DAOA: variants seen among roughly 807,000 people sequenced by gnomAD.
DAOA encodes the protein D-amino acid oxidase activator.
Under a neutral mutation model 16.4 loss-of-function variants are expected in DAOA, and 15 were observed. That is an observed-to-expected ratio of 0.91 (90% CI 0.61 to 1.41). The LOEUF (loss-of-function observed/expected upper bound fraction) is 1.41, where lower values mean the gene tolerates loss of function less well. Among genes scored for constraint, DAOA ranks in the 40% most tolerant of loss-of-function variants. The pLI is 0.00. For missense variants in DAOA, 230 were observed against 176.8 expected (o/e 1.30, Z -1.71); for synonymous variants, 75 against 59.1 (o/e 1.27, Z -1.23).
intron 3 of DAOA, among the ~76,000 whole-genome samples, chr13:105,469,292 T>G (rs1377270454): frequency 3.3e-5 from 5 of 152,232 alleles, no homozygotes; most frequent in African/African-American, 7.2e-5. Flanking sequence ...TGGCTGCATT[T>G]TCTCCTCTTC....
At chr13:105,474,491 A>C (rs995077551) in intron 4 of DAOA, among the ~76,000 whole-genome samples, 1 of 152,122 alleles carries the variant, frequency 6.6e-6, no homozygotes, top group Non-Finnish European at 1.5e-5. Context: ...ATTAATCAAT[A>C]AATGACAATG....
chr13:105,490,834 C>T (rs1262285089), intron 5 of DAOA, 78 bp from the exon 6 acceptor site: 1 of 151,862 alleles, frequency 6.6e-6, no homozygotes, highest in African/African-American at 2.4e-5. Flanking sequence ...AAAATACCTA[C>T]TCAGAAGCAA....
chr13:105,490,213 A>T, intron 5 of DAOA, 21 bp downstream of exon 5: 5 of 1,097,930 alleles, frequency 4.6e-6, no homozygotes, highest in Non-Finnish European at 5.7e-6. Flanking sequence ...TTATAAAATT[A>T]TATTTTTATG....
chr13:105,488,294 G>A (rs1307475139), intron 4 of DAOA, among the ~76,000 whole-genome samples: 2 of 151,964 alleles, frequency 1.3e-5, no homozygotes, highest in Non-Finnish European at 2.9e-5. Flanking sequence ...CTTTCCAGAA[G>A]GAAATAACAC....
chr13:105,479,098 C>T (rs752318966), intron 4 of DAOA, among the ~76,000 whole-genome samples: 3 of 152,162 alleles, frequency 2.0e-5, no homozygotes, highest in Non-Finnish European at 4.4e-5. Context: ...ATCTCTTTAT[C>T]TTCGCTATAA....
chr13:105,468,987 C>A (rs1876735229), intron 3 of DAOA, among the ~76,000 whole-genome samples: 1 of 152,122 alleles, frequency 6.6e-6, no homozygotes, highest in South Asian at 2.1e-4. Context: ...TTTCCAAGTG[C>A]ATATTTTTTA....
At chr13:105,477,677 T>C (rs1414814620) in intron 4 of DAOA, among the ~76,000 whole-genome samples, 1 of 152,190 alleles carries the variant, frequency 6.6e-6, no homozygotes. Flanking sequence ...TGAGCCGAGA[T>C]CACAGCACTG....
chr13:105,468,636 G>A (rs12874006), intron 3 of DAOA, among the ~76,000 whole-genome samples: 1 of 152,114 alleles, frequency 6.6e-6, no homozygotes, highest in Non-Finnish European at 1.5e-5. Flanking sequence ...ATCAATGCCT[G>A]GTGGAATAAT....
chr13:105,486,265 T>C (rs1878101039), intron 4 of DAOA, among the ~76,000 whole-genome samples: 1 of 152,148 alleles, frequency 6.6e-6, no homozygotes, highest in Non-Finnish European at 1.5e-5. Context: ...TTTTTTCACT[T>C]CATCAAAGTA....
intron 4 of DAOA, among the ~76,000 whole-genome samples, chr13:105,484,195 C>T (rs530035533): frequency 2.6e-5 from 4 of 151,950 alleles, no homozygotes; most frequent in Non-Finnish European, 4.4e-5. Flanking sequence ...ATGTATAGGT[C>T]TATTTTTTTT....
Position 105,467,193 on chromosome 13 carries a change from A to G in DAOA, c.133+52A>G, listed in dbSNP as rs1291996165. The stretch of plus-strand genomic sequence containing the variant: ...ATTTAAATTCTTCTAGAAGTTAGAT[A>G]AAACTGTGGTAAAGCTACATAATAC... On this transcript the variant is annotated intron_variant, in intron 3 of 5. Transcript: ENST00000375936. 3 of 1,504,200 alleles carry G rather than the reference A, an allele frequency of 2.0e-6. No individual in the cohort carries two copies. The Admixed American group carries it at 5.9e-5, about 30-fold the overall frequency. The allele number at this position is 1,504,200 out of a possible 1,614,324, so 93.2% of individuals were successfully genotyped here. A position where few individuals can be genotyped will look rare whatever the true frequency, so the allele number is the denominator to read the frequency against.
chr13:105,475,651 C>T (rs527495132), intron 4 of DAOA, among the ~76,000 whole-genome samples: 15 of 152,064 alleles, frequency 9.9e-5, no homozygotes, highest in East Asian at 1.9e-4. Context: ...TGATAAATTC[C>T]GCTAAATTAA....
At chr13:105,474,548 T>C (rs1261316548) in intron 4 of DAOA, among the ~76,000 whole-genome samples, 1 of 152,134 alleles carries the variant, frequency 6.6e-6, no homozygotes, top group Non-Finnish European at 1.5e-5. Flanking sequence ...TGCTACAAAT[T>C]CGTAATCAAT....
chr13:105,470,114 G>A, intron 3 of DAOA, among the ~76,000 whole-genome samples: 1 of 115,242 alleles, frequency 8.7e-6, no homozygotes, highest in Admixed American at 8.8e-5. Flanking sequence ...TTGCTCATTG[G>A]AATTTTTTTT....
rs1877051128 is a variant in DAOA, at chr13:105,472,672, C to T, written c.268C>T (p.Gln90Ter). The T allele has an allele frequency of 4.3e-6, 7 of 1,612,930 alleles. No homozygotes were observed. Among genetic ancestry groups the T allele is most frequent in the Non-Finnish European group, 5.9e-6 (7 of 1,179,480 alleles). Residue 90 changes from glutamine (Q) to a stop codon, truncating the protein, a stop_gained, in exon 4 of 6, where the codon CAG (glutamine) becomes TAG (stop). Coordinates refer to ENST00000375936, the MANE Select transcript of DAOA (RefSeq NM_172370.5). LOFTEE classifies it high-confidence loss of function. ...ATGTCCTTGGGTCTCTTACCTTCCT[C>T]AGCCCTATGCAGAGTATGTATCTTC... ...SLCPWVSYLP[Q>*]PYAELEEVSS...
chr13:105,472,455 T>A, intron 3 of DAOA, 83 bp from the exon 4 acceptor site: 1 of 1,458,038 alleles, frequency 6.9e-7, no homozygotes. Flanking sequence ...CTACAATCGC[T>A]CCACAGTCAT....
intron 3 of DAOA, 36 bp downstream of exon 3, chr13:105,467,177 C>A (rs764079037): frequency 9.7e-6 from 15 of 1,541,434 alleles, no homozygotes; most frequent in Non-Finnish European, 1.3e-5. Flanking sequence ...AATTTAAATT[C>A]TTCTAGAAGT....
intron 4 of DAOA, among the ~76,000 whole-genome samples, chr13:105,485,497 T>C (rs1487497277): frequency 6.6e-6 from 1 of 152,226 alleles, no homozygotes; most frequent in Non-Finnish European, 1.5e-5. Context: ...ATGGTTTCTT[T>C]CCACTAACCC....
At chr13:105,471,701 C>A (rs953043562) in intron 3 of DAOA, among the ~76,000 whole-genome samples, 4 of 152,162 alleles carry the variant, frequency 2.6e-5, no homozygotes, top group Non-Finnish European at 4.4e-5. Flanking sequence ...AATTTAAAAT[C>A]ATCTACAGGT....
Sources: gnomAD v4.1 joint callset for allele counts (sites outside exome capture counted in the v4.1 genomes callset) on GRCh38, gnomAD v4.1.1 for gene constraint, MANE v1.5 for transcripts, NCBI Gene and HGNC (gene_info 2026-07-23, HGNC 2026-07-21) for gene names.